FGF14: variants seen among roughly 807,000 people sequenced by gnomAD.
FGF14 encodes the protein fibroblast growth factor 14.
FGF14 carries 5 observed loss-of-function variants against 25.5 expected under a neutral mutation model. The observed-to-expected ratio is 0.20, with a 90% CI of 0.10 to 0.41. FGF14 has a LOEUF of 0.41. Ranked by LOEUF, FGF14 falls within the 10% of genes least tolerant of loss-of-function variation. The probability of loss-of-function intolerance (pLI) is 1.00; values close to 1 mark genes in which losing one functional copy is unlikely to be tolerated. For synonymous variants in FGF14, 138 were observed against 118.3 expected, an observed-to-expected ratio of 1.17 and a Z score of -1.08; for missense variants, 222 against 320.1, an observed-to-expected ratio of 0.69 and a Z score of 2.34.
intron 1 of FGF14, among the ~76,000 whole-genome samples, chr13:101,900,540 C>A (rs193063262): frequency 6.6e-6 from 1 of 152,064 alleles, no homozygotes; most frequent in African/African-American, 2.4e-5. Context: ...AATGAACCTG[C>A]AAATACAATA....
At chr13:101,890,299 C>T (rs2046202802) in intron 1 of FGF14, among the ~76,000 whole-genome samples, 1 of 152,006 alleles carries the variant, frequency 6.6e-6, no homozygotes. Flanking sequence ...ACCTGTAGCA[C>T]ACCTCTAAGT....
intron 3 of FGF14, among the ~76,000 whole-genome samples, chr13:101,853,458 A>G (rs1256159860): frequency 6.6e-6 from 1 of 151,934 alleles, no homozygotes; most frequent in East Asian, 1.9e-4. Flanking sequence ...TTTATTTTCA[A>G]TTTTTTTAGT....
At chr13:101,790,921 T>G (rs2040199540) in intron 3 of FGF14, among the ~76,000 whole-genome samples, 1 of 152,218 alleles carries the variant, frequency 6.6e-6, no homozygotes, top group African/African-American at 2.4e-5. Flanking sequence ...GAATTTGGTA[T>G]CGATATTTGT....
At chr13:102,140,277 T>G (rs2046594820) in intron 1 of FGF14, among the ~76,000 whole-genome samples, 1 of 152,292 alleles carries the variant, frequency 6.6e-6, no homozygotes, top group South Asian at 2.1e-4. Context: ...ATACAGTATC[T>G]GGTATATAGC....
intron 1 of FGF14, among the ~76,000 whole-genome samples, chr13:102,026,213 C>T (rs143653647): frequency 5.3e-5 from 8 of 151,894 alleles, no homozygotes; most frequent in Non-Finnish European, 1.0e-4. Flanking sequence ...ATATTTTGTT[C>T]TTTATTCTAT....
chr13:102,362,856 A>T (rs2057605841), intron 1 of FGF14, among the ~76,000 whole-genome samples: 1 of 152,206 alleles, frequency 6.6e-6, no homozygotes, highest in Non-Finnish European at 1.5e-5. Context: ...AAAATTTTCA[A>T]AATCAGATTA....
At chr13:101,928,510 T>A (rs1339800382) in intron 1 of FGF14, among the ~76,000 whole-genome samples, 1 of 152,132 alleles carries the variant, frequency 6.6e-6, no homozygotes, top group Non-Finnish European at 1.5e-5. Context: ...CGTTTATGGC[T>A]TTGAACTGAA....
Position 101,722,080 on chromosome 13 carries a change from T to G in FGF14, c.*751A>C, listed in dbSNP as rs1338035161. On this transcript the variant is annotated 3_prime_UTR_variant, in exon 5 of 5. Transcript: ENST00000376143. ...ATGTCAAACACATATCATAGAGAGC[T>G]TCCCTGGATTGTGTTTGAGCCATTT... 1 of 152,688 alleles carries G rather than the reference T, an allele frequency of 6.5e-6. No individual in the cohort carries two copies. The highest frequency in any genetic ancestry group is 1.5e-5 in the Non-Finnish European group (1 of 68,550). 9.5% of individuals were successfully genotyped at this position (152,688 alleles called of 1,614,324 possible).
At chr13:102,028,489 C>A (rs1411692416) in intron 1 of FGF14, among the ~76,000 whole-genome samples, 1 of 152,092 alleles carries the variant, frequency 6.6e-6, no homozygotes, top group Non-Finnish European at 1.5e-5. Flanking sequence ...AAGCAAGTTT[C>A]TGTCATGTAT....
chr13:102,055,961 AC>A (rs137975952), intron 1 of FGF14, among the ~76,000 whole-genome samples: 1,905 of 152,198 alleles, frequency 0.013, 18 homozygotes, highest in South Asian at 0.03. Flanking sequence ...CCCTTATAAA[AC>A]CATCACATCT....
intron 1 of FGF14, among the ~76,000 whole-genome samples, chr13:102,228,515 T>C (rs922443040): frequency 6.6e-6 from 1 of 152,168 alleles, no homozygotes; most frequent in Non-Finnish European, 1.5e-5. Flanking sequence ...TTGAAAACAA[T>C]GTTCTCCTAT....
chr13:102,398,294 C>T (rs1318930400), intron 1 of FGF14, among the ~76,000 whole-genome samples: 2 of 152,002 alleles, frequency 1.3e-5, no homozygotes, highest in Admixed American at 1.3e-4. Context: ...TAACTTTGTC[C>T]TTAAATTCGT....
In FGF14 at chr13:101,906,754, C is replaced by A. The variant is rs937359597; in HGVS notation, c.193+9699G>T. Among the ~76,000 whole-genome samples, 3 of 152,028 alleles carry A rather than the reference C, an allele frequency of 2.0e-5. No individual in the cohort carries two copies. The East Asian group carries it at 5.8e-4, about 29-fold the overall frequency. On this transcript the variant is annotated intron_variant, in intron 1 of 4. Transcript: ENST00000376143. ...TGCTTATACCTTAAAAGCTGTTTGT[C>A]ATTTTGACAAAAAATTAACATAGAA...
At chr13:102,129,836 A>T (rs976266498) in intron 1 of FGF14, among the ~76,000 whole-genome samples, 1 of 152,184 alleles carries the variant, frequency 6.6e-6, no homozygotes, top group Non-Finnish European at 1.5e-5. Flanking sequence ...ATAATAATAA[A>T]AAAAAAGAAT....
At chr13:101,981,124 C>CACACACACACACACACAT (rs1566528332) in intron 1 of FGF14, among the ~76,000 whole-genome samples, 1 of 147,994 alleles carries the variant, frequency 6.8e-6, no homozygotes, top group African/African-American at 2.6e-5. Context: ...CACACACACA[C>CACACACACACACACACAT]ACACAATTAG....
chr13:101,867,883 G>C (rs1377572142), intron 3 of FGF14, among the ~76,000 whole-genome samples: 1 of 135,676 alleles, frequency 7.4e-6, no homozygotes, highest in Non-Finnish European at 1.6e-5. Context: ...GAATGTTTCT[G>C]TTTAAGACAC....
intron 1 of FGF14, among the ~76,000 whole-genome samples, chr13:102,197,050 A>G (rs1294144585): frequency 6.6e-6 from 1 of 151,862 alleles, no homozygotes; most frequent in Non-Finnish European, 1.5e-5. Flanking sequence ...GGAAAGACCT[A>G]TTTCTGTGAG....
At chr13:101,818,537 C>T (rs1484683283) in intron 3 of FGF14, among the ~76,000 whole-genome samples, 2 of 152,138 alleles carry the variant, frequency 1.3e-5, no homozygotes, top group Non-Finnish European at 2.9e-5. Context: ...GGATTACCTG[C>T]ACAACCATAA....
chr13:102,328,661 G>A, intron 1 of FGF14, among the ~76,000 whole-genome samples: 1 of 152,358 alleles, frequency 6.6e-6, no homozygotes, highest in South Asian at 2.1e-4. Context: ...ATACACGAAG[G>A]AGGAGCAATA....
Sources: gnomAD v4.1 joint callset for allele counts (sites outside exome capture counted in the v4.1 genomes callset) on GRCh38, gnomAD v4.1.1 for gene constraint, MANE v1.5 for transcripts, NCBI Gene and HGNC (gene_info 2026-07-23, HGNC 2026-07-21) for gene names.